PDE4D: variants seen among roughly 807,000 people sequenced by gnomAD.
PDE4D encodes the protein phosphodiesterase 4D, also known as 3',5'-cyclic-AMP phosphodiesterase 4D.
PDE4D carries 24 observed loss-of-function variants against 87.4 expected under a neutral mutation model. The ratio of observed to expected loss-of-function variants is 0.27; its 90% confidence interval spans 0.20 to 0.39. The LOEUF is 0.39. Among genes scored for constraint, PDE4D ranks in the 10% least tolerant of loss-of-function variants. The probability of loss-of-function intolerance (pLI) is 1.00; values close to 1 mark genes in which losing one functional copy is unlikely to be tolerated. For missense variants in PDE4D, 714 were observed against 1,041.0 expected (o/e 0.69, Z 4.32); for synonymous variants, 384 against 383.2 (o/e 1.00, Z -0.02).
intron 5 of PDE4D, among the ~76,000 whole-genome samples, chr5:59,168,484 T>C (rs952324716): frequency 6.6e-6 from 1 of 152,172 alleles, no homozygotes; most frequent in Non-Finnish European, 1.5e-5. Flanking sequence ...AGTGTGGGAA[T>C]TGAAGAATCC....
intron 5 of PDE4D, among the ~76,000 whole-genome samples, chr5:59,045,067 C>T (rs888272575): frequency 2.6e-5 from 4 of 152,058 alleles, no homozygotes; most frequent in Non-Finnish European, 1.5e-5. Context: ...GAGGTAATTT[C>T]AGCAAACAAC....
intron 3 of PDE4D, chr5:59,986,367 T>G (rs976701448): frequency 2.0e-5 from 3 of 152,330 alleles, no homozygotes; most frequent in East Asian, 1.9e-4. Context: ...GATTTTAGAT[T>G]ACACACAATA....
chr5:60,015,919 A>T (rs1765464025), intron 2 of PDE4D, among the ~76,000 whole-genome samples: 1 of 146,476 alleles, frequency 6.8e-6, no homozygotes, highest in Admixed American at 6.9e-5. Flanking sequence ...ACAGAGTCTT[A>T]CTCAGTCACC....
intron 5 of PDE4D, chr5:59,180,329 C>T (rs777472435): frequency 1.6e-6 from 1 of 636,218 alleles, no homozygotes; most frequent in South Asian, 1.5e-5. Flanking sequence ...ATACAAATGC[C>T]CAGAGCAATG....
At position 59,018,881 on chromosome 5, in the gene PDE4D, G is replaced by T. The variant is rs114733632; in HGVS notation, c.921+19978C>A. Reference sequence around the variant, plus strand: ...GCACTGTCACTCCCGTTTCACAGATGAGCCTTAAGGTCTTAGCTATCAACT... The same window carrying T: ...GCACTGTCACTCCCGTTTCACAGATTAGCCTTAAGGTCTTAGCTATCAACT... On this transcript the variant is annotated intron_variant, in intron 6 of 14. Transcript: ENST00000340635. 5.6e-3 allele frequency among the ~76,000 whole-genome samples: 849 copies of T among 151,336 alleles called. 5 individuals are homozygous for T. Among genetic ancestry groups the T allele is most frequent in the African/African-American group, 0.02 (805 of 41,180 alleles).
chr5:60,050,147 CT>C (rs1308717850), intron 2 of PDE4D, among the ~76,000 whole-genome samples: 3 of 152,166 alleles, frequency 2.0e-5, no homozygotes, highest in Non-Finnish European at 4.4e-5. Flanking sequence ...TCTGTCACCC[CT>C]TTCTTTGACT....
chr5:59,359,862 T>C (rs1049417521), intron 1 of PDE4D, among the ~76,000 whole-genome samples: 1 of 152,188 alleles, frequency 6.6e-6, no homozygotes, highest in Non-Finnish European at 1.5e-5. Context: ...TTGTGCACAC[T>C]AATTTTATAT....
At chr5:59,820,005 C>A (rs1311351500) in intron 1 of PDE4D, among the ~76,000 whole-genome samples, 3 of 152,154 alleles carry the variant, frequency 2.0e-5, no homozygotes, top group Admixed American at 2.0e-4. Flanking sequence ...AGTCATTTGA[C>A]CTTGAACAGC....
At position 60,167,000 on chromosome 5, in the gene PDE4D, G is replaced by T. The variant is rs145376610; in HGVS notation, c.42+18557C>A. Among the ~76,000 whole-genome samples, 45 of 152,130 alleles carry T rather than the reference G, an allele frequency of 3.0e-4. 1 individual carries two copies. The highest frequency in any genetic ancestry group is 1.0e-3 in the African/African-American group (43 of 41,502). On this transcript the variant is annotated intron_variant, in intron 2 of 16. Transcript: ENST00000502484. ...CCCTCTCTTTGTCTTTGATTTTTGA[G>T]AATTTTATCGTAATATGTATTGAAT...
intron 5 of PDE4D, among the ~76,000 whole-genome samples, chr5:59,081,974 C>T (rs1348131223): frequency 6.6e-6 from 1 of 152,118 alleles, no homozygotes; most frequent in East Asian, 1.9e-4. Context: ...GTTATATAAG[C>T]TTCTGGAATT....
chr5:59,658,833 T>G (rs569709982), intron 1 of PDE4D, among the ~76,000 whole-genome samples: 1 of 152,010 alleles, frequency 6.6e-6, no homozygotes, highest in African/African-American at 2.4e-5. Context: ...CGTGTGTGTG[T>G]GTGTGTGTTT....
intron 1 of PDE4D, among the ~76,000 whole-genome samples, chr5:59,631,222 A>G (rs1304404729): frequency 6.6e-6 from 1 of 152,152 alleles, no homozygotes; most frequent in Non-Finnish European, 1.5e-5. Flanking sequence ...AGAGGCAACT[A>G]GTAGTGCTTA....
intron 5 of PDE4D, among the ~76,000 whole-genome samples, chr5:59,167,425 C>G (rs1157935261): frequency 6.6e-6 from 1 of 152,186 alleles, no homozygotes; most frequent in Non-Finnish European, 1.5e-5. Flanking sequence ...ACTTGTCATT[C>G]AACTCTGAGG....
At chr5:59,588,805 C>G (rs1430746033) in intron 1 of PDE4D, among the ~76,000 whole-genome samples, 2 of 152,110 alleles carry the variant, frequency 1.3e-5, no homozygotes, top group African/African-American at 4.8e-5. Flanking sequence ...TTGAGATTTC[C>G]TGTAGCCTAG....
At chr5:60,469,086 C>G (rs888752931) in intron 1 of PDE4D, among the ~76,000 whole-genome samples, 2 of 152,096 alleles carry the variant, frequency 1.3e-5, no homozygotes, top group African/African-American at 4.8e-5. Context: ...TTTATAAAAT[C>G]CACGTCTTTC....
chr5:59,905,618 T>C (rs974602627), intron 3 of PDE4D, among the ~76,000 whole-genome samples: 1 of 152,116 alleles, frequency 6.6e-6, no homozygotes, highest in Non-Finnish European at 1.5e-5. Context: ...TTTTCATCGA[T>C]GAAAATAACA....
At chr5:59,621,823 T>C (rs1830387092) in intron 1 of PDE4D, among the ~76,000 whole-genome samples, 1 of 152,164 alleles carries the variant, frequency 6.6e-6, no homozygotes. Flanking sequence ...TGATGCTAAA[T>C]TAGTCTGTGC....
intron 1 of PDE4D, among the ~76,000 whole-genome samples, chr5:59,615,692 G>C (rs544638601): frequency 6.6e-6 from 1 of 152,162 alleles, no homozygotes; most frequent in Non-Finnish European, 1.5e-5. Context: ...TTCAGTCTCA[G>C]TAGCTGGGGT....
chr5:60,414,854 C>A (rs1234642462), intron 1 of PDE4D, among the ~76,000 whole-genome samples: 1 of 152,226 alleles, frequency 6.6e-6, no homozygotes, highest in Admixed American at 6.5e-5. Context: ...CATCCCCAAA[C>A]CAAGAAGCAC....
Sources: allele counts gnomAD v4.1 joint callset (sites outside exome capture counted in the v4.1 genomes callset), GRCh38; gene constraint gnomAD v4.1.1; transcripts MANE v1.5; gene names NCBI Gene and HGNC (gene_info 2026-07-23, HGNC 2026-07-21).